Variants in DVL3 observed in about 807,000 individuals in gnomAD.
DVL3 encodes the protein segment polarity protein dishevelled homolog DVL-3.
In DVL3, 27 loss-of-function variants were observed where a neutral mutation model predicts 67.4. The observed-to-expected ratio is 0.40, with a 90% CI of 0.30 to 0.55. The LOEUF (loss-of-function observed/expected upper bound fraction) is 0.55, where lower values mean the gene tolerates loss of function less well. Among genes scored for constraint, DVL3 ranks in the 20% least tolerant of loss-of-function variants. The pLI, the probability that DVL3 is intolerant of heterozygous loss-of-function variation, is 0.46. For synonymous variants in DVL3, 369 were observed against 396.8 expected (o/e 0.93, Z 0.83); for missense variants, 819 against 1,021.5 (o/e 0.80, Z 2.70).
Position 184,166,112 on chromosome 3 carries a change from A to G in DVL3, c.764-14A>G. 4 of 1,611,326 alleles carry G rather than the reference A, an allele frequency of 2.5e-6. No individual in the cohort carries two copies. Among genetic ancestry groups the G allele is most frequent in the Non-Finnish European group, 2.5e-6 (3 of 1,179,400 alleles). On this transcript the variant is annotated splice_polypyrimidine_tract_variant and intron_variant, in intron 7 of 14. Coordinates refer to ENST00000313143, the MANE Select transcript of DVL3 (RefSeq NM_004423.4). This position sits in a 1 kb window ranked among gnomAD's most constrained non-coding sequence, Gnocchi z 6.7. The stretch of plus-strand genomic sequence containing the variant: ...ACCTTGCTCCCCCTTAAGGTCTTAA[A>G]TTACTCTCTATAGAAAAATATAACT...
Position 184,170,145 on chromosome 3 carries a change from A to G in DVL3, c.1638A>G (p.Pro546=), listed in dbSNP as rs753090630. The G allele has an allele frequency of 7.4e-6, 12 of 1,611,494 alleles. No individual in the cohort carries two copies. The African/African-American group carries it at 1.6e-4, about 22-fold the overall frequency. Residue 546 remains proline (P), a synonymous_variant, in exon 14 of 15, where the codon CCA becomes CCG. Coordinates refer to ENST00000313143, the MANE Select transcript of DVL3 (RefSeq NM_004423.4). This position sits in a 1 kb window ranked among gnomAD's most constrained non-coding sequence, Gnocchi z 6.5. ...FPYQYPPPPH[P]YNPHPGFPEL... ...ACCAGTACCCGCCACCCCCGCACCC[A>G]TACAACCCGCACCCGGGCTTCCCGG...
In DVL3 at chr3:184,155,590, C is replaced by A. The variant is rs762890198; in HGVS notation, c.-46C>A. ...CGCCGTCTGGGAGGCTCGGCCCGGC[C>A]GCCCGAGCAGGCCGCGCGCGGGCCG... On this transcript the variant is annotated 5_prime_UTR_variant, in exon 1 of 15. Coordinates refer to ENST00000313143, the MANE Select transcript of DVL3 (RefSeq NM_004423.4). This position sits in a 1 kb window ranked among gnomAD's most constrained non-coding sequence, Gnocchi z 5.4. 2 of 1,111,588 alleles carry A rather than the reference C, an allele frequency of 1.8e-6. No individual in the cohort carries two copies. The highest frequency in any genetic ancestry group is 2.2e-6 in the Non-Finnish European group (2 of 908,082). 68.9% of individuals were successfully genotyped at this position (1,111,588 alleles called of 1,614,324 possible).
Position 184,170,770 on chromosome 3 carries a change from C to T in DVL3, c.*15C>T, listed in dbSNP as rs1431545231. On this transcript the variant is annotated 3_prime_UTR_variant, in exon 15 of 15. Transcript: ENST00000313143. The surrounding 1 kb of genome is among the most constrained non-coding windows in gnomAD (Gnocchi z 6.5). ...ATGTGATGTGAGCAGGGCCCCTCCC[C>T]CAGCTCCATTCCGCTCCCACCCCAG... The T allele has an allele frequency of 1.2e-6, 2 of 1,612,350 alleles. No homozygotes were observed. Among genetic ancestry groups the T allele is most frequent in the Non-Finnish European group, 1.7e-6 (2 of 1,179,634 alleles).
chr3:184,158,163 C>G (rs961443740), intron 1 of DVL3, among the ~76,000 whole-genome samples: 4 of 151,964 alleles, frequency 2.6e-5, no homozygotes, highest in South Asian at 2.1e-4. Flanking sequence ...AGCAAGACCC[C>G]ATCTCTACAA....
At position 184,165,897 on chromosome 3, in the gene DVL3, A is replaced by C. The variant is rs1714565961; in HGVS notation, c.764-229A>C. Among the ~76,000 whole-genome samples, 1 of 152,204 alleles carries C rather than the reference A, an allele frequency of 6.6e-6. No individual in the cohort carries two copies. Among genetic ancestry groups the C allele is most frequent in the Non-Finnish European group, 1.5e-5 (1 of 68,032 alleles). On this transcript the variant is annotated intron_variant, in intron 7 of 14. Transcript: ENST00000313143. This position sits in a 1 kb window ranked among gnomAD's most constrained non-coding sequence, Gnocchi z 4.1. ...TGCCACTTACTGGCTTAGAAAAGTC[A>C]TCTTCTAAGTTCACTGAACCTCAGT... is the stretch of plus-strand genomic sequence containing the variant.
chr3:184,171,516 A>T lies in DVL3; in HGVS notation c.*761A>T. 1.0e-6 allele frequency: 1 copy of T among 985,818 alleles called. No individual in the cohort carries two copies. 61.1% of individuals were successfully genotyped at this position (985,818 alleles called of 1,614,324 possible). ...CTCATCTCACCTCCAGGCCTGAAAC[A>T]TTTCTTTTCTTTCTTTTTTCCTCCC... On this transcript the variant is annotated 3_prime_UTR_variant, in exon 15 of 15. Transcript: ENST00000313143.
At chr3:184,162,688 T>G (rs1204569545) in intron 1 of DVL3, among the ~76,000 whole-genome samples, 1 of 151,458 alleles carries the variant, frequency 6.6e-6, no homozygotes, top group Non-Finnish European at 1.5e-5. Flanking sequence ...GCCTCCCAAG[T>G]AGCTGGGATC....
In DVL3 at chr3:184,166,613, A is replaced by G. The variant is rs751639591; in HGVS notation, c.988A>G (p.Thr330Ala). 6.2e-7 allele frequency: 1 copy of G among 1,614,094 alleles called. No homozygotes were observed. The highest frequency in any genetic ancestry group is 1.3e-5 in the African/African-American group (1 of 74,992). Residue 330 changes from threonine to alanine, a missense_variant, in exon 10 of 15, where the codon ACC (threonine) becomes GCC (alanine). Coordinates refer to ENST00000313143, the MANE Select transcript of DVL3 (RefSeq NM_004423.4). This position sits in a 1 kb window ranked among gnomAD's most constrained non-coding sequence, Gnocchi z 6.7. ...GGACACCCTTGTTTTCAGGCCCATC[A>G]CCCTGACTGTAGCCAAGTGCTGGGA... is the stretch of plus-strand genomic sequence containing the variant. The part of the protein sequence containing the change: ...REIVHKPGPI[T>A]LTVAKCWDPS...
rs201301351 is a variant in DVL3 at position 184,165,234 on chromosome 3, G to T, written c.693+28G>T. ...ATGGGGTCTGGGAGGCTAGGGATGG[G>T]TGGAGGCAGATTGTGAGCCCTTCCT... On this transcript the variant is annotated intron_variant, in intron 6 of 14. Coordinates refer to ENST00000313143, the MANE Select transcript of DVL3 (RefSeq NM_004423.4). The surrounding 1 kb of genome is among the most constrained non-coding windows in gnomAD (Gnocchi z 4.1). 308 of 1,569,830 alleles carry T rather than the reference G, an allele frequency of 2.0e-4. No homozygotes were observed. Among genetic ancestry groups the T allele is most frequent in the Middle Eastern group, 3.5e-4 (2 of 5,792 alleles).
chr3:184,167,176 G>A lies in DVL3; in HGVS notation c.1198+201G>A, dbSNP rs532138292. The stretch of plus-strand genomic sequence containing the variant: ...ACAGTGTTTGCTTCTGAACTTGTAT[G>A]AGCACCCAGGGCGCCTCAGTTTCCT... On this transcript the variant is annotated intron_variant, in intron 11 of 14. Coordinates refer to ENST00000313143, the MANE Select transcript of DVL3 (RefSeq NM_004423.4). The surrounding 1 kb of genome is among the most constrained non-coding windows in gnomAD (Gnocchi z 4.6). 6.6e-6 allele frequency among the ~76,000 whole-genome samples: 1 copy of A among 152,302 alleles called. No homozygotes were observed. The highest frequency in any genetic ancestry group is 2.4e-5 in the African/African-American group (1 of 41,564).
intron 1 of DVL3, among the ~76,000 whole-genome samples, chr3:184,156,124 C>A (rs998815158): frequency 1.3e-5 from 2 of 152,090 alleles, no homozygotes; most frequent in Non-Finnish European, 2.9e-5. Flanking sequence ...AGTTTCAGAG[C>A]CCGAGTCCCC....
intron 1 of DVL3, among the ~76,000 whole-genome samples, chr3:184,162,338 C>T (rs868436265): frequency 2.6e-5 from 4 of 151,798 alleles, no homozygotes; most frequent in African/African-American, 4.8e-5. Flanking sequence ...CTACCACGCT[C>T]GGCTAATTTT....
chr3:184,156,504 G>A, intron 1 of DVL3: 1 of 456,726 alleles, frequency 2.2e-6, no homozygotes, highest in Non-Finnish European at 4.4e-6. Flanking sequence ...CCAGTGGAGA[G>A]ACGTTAGGAA....
In DVL3 at chr3:184,170,892, C is replaced by A. The variant is rs894650038; in HGVS notation, c.*137C>A. 3 of 1,547,626 alleles carry A rather than the reference C, an allele frequency of 1.9e-6. No homozygotes were observed. Among genetic ancestry groups the A allele is most frequent in the South Asian group, 1.2e-5 (1 of 83,312 alleles). ...ACTAAATCCAGGTGCGCTAACTGCT[C>A]GCAGGGTGCTGCGAGGGTGGGGTGC... On this transcript the variant is annotated 3_prime_UTR_variant, in exon 15 of 15. Transcript: ENST00000313143. The surrounding 1 kb of genome is among the most constrained non-coding windows in gnomAD (Gnocchi z 6.5).
chr3:184,165,971 G>C lies in DVL3; in HGVS notation c.764-155G>C, dbSNP rs574475774. On this transcript the variant is annotated intron_variant, in intron 7 of 14. Coordinates refer to ENST00000313143, the MANE Select transcript of DVL3 (RefSeq NM_004423.4). This position sits in a 1 kb window ranked among gnomAD's most constrained non-coding sequence, Gnocchi z 4.1. ...GAGTCCCTACCTTATAGCCAGCAAG[G>C]GTTCCATGGAAGCATGTTTGAGCAT... Among the ~76,000 whole-genome samples, 12 of 152,200 alleles carry C rather than the reference G, an allele frequency of 7.9e-5. No individual in the cohort carries two copies. Among genetic ancestry groups the C allele is most frequent in the Non-Finnish European group, 1.8e-4 (12 of 68,034 alleles).
rs749596621 is a variant in DVL3 at position 184,170,893 on chromosome 3, G to A, written c.*138G>A. On this transcript the variant is annotated 3_prime_UTR_variant, in exon 15 of 15. Coordinates refer to ENST00000313143, the MANE Select transcript of DVL3 (RefSeq NM_004423.4). This position sits in a 1 kb window ranked among gnomAD's most constrained non-coding sequence, Gnocchi z 6.5. ...CTAAATCCAGGTGCGCTAACTGCTC[G>A]CAGGGTGCTGCGAGGGTGGGGTGCA... The A allele has an allele frequency of 9.7e-6, 15 of 1,546,740 alleles. No homozygotes were observed. Among genetic ancestry groups the A allele is most frequent in the Non-Finnish European group, 1.3e-5 (15 of 1,146,198 alleles).
rs1714141669 is a variant in DVL3 at position 184,155,496 on chromosome 3, G to A, written c.-140G>A. 2.7e-6 allele frequency: 1 copy of A among 367,216 alleles called. No individual in the cohort carries two copies. 22.7% of individuals were successfully genotyped at this position (367,216 alleles called of 1,614,324 possible). On this transcript the variant is annotated 5_prime_UTR_variant, in exon 1 of 15. Coordinates refer to ENST00000313143, the MANE Select transcript of DVL3 (RefSeq NM_004423.4). This position sits in a 1 kb window ranked among gnomAD's most constrained non-coding sequence, Gnocchi z 5.4. ...GCGCTGGGACCCGGTAGCGGCCGGA[G>A]AACAAGGGAGCTGGCGCCGCCAGCA...
chr3:184,166,229 T>C lies in DVL3; in HGVS notation c.867T>C (p.Ala289=), dbSNP rs1414334873. ...GSIMKGGAVA[A]DGRIEPGDML... ...TCATGAAGGGTGGGGCCGTGGCTGC[T>C]GATGGACGCATCGAGCCAGGAGATA... The change falls in exon 8 of 15, where the codon GCT becomes GCC. Residue 289 remains alanine (A), a synonymous_variant. Coordinates refer to ENST00000313143, the MANE Select transcript of DVL3 (RefSeq NM_004423.4). This position sits in a 1 kb window ranked among gnomAD's most constrained non-coding sequence, Gnocchi z 6.7. The C allele has an allele frequency of 1.9e-6, 3 of 1,613,042 alleles. No individual in the cohort carries two copies. Among genetic ancestry groups the C allele is most frequent in the East Asian group, 2.2e-5 (1 of 44,892 alleles).
At chr3:184,158,869 G>A (rs1331809666) in intron 1 of DVL3, among the ~76,000 whole-genome samples, 3 of 147,292 alleles carry the variant, frequency 2.0e-5, no homozygotes, top group South Asian at 2.1e-4. Context: ...TTCGCCTCCC[G>A]GGTTCAGGTG....
Sources: gnomAD v4.1 joint callset for allele counts (sites outside exome capture counted in the v4.1 genomes callset) on GRCh38, gnomAD v4.1.1 for gene constraint, Gnocchi (gnomAD v3.1) non-coding constraint, MANE v1.5 for transcripts, NCBI Gene and HGNC (gene_info 2026-07-23, HGNC 2026-07-21) for gene names.